The following SMYD3 variants were observed in gnomAD, a reference collection of about 807,000 sequenced individuals.
The protein encoded by SMYD3 is SET and MYND domain containing 3, also known as histone-lysine N-methyltransferase SMYD3.
SMYD3 carries 36 observed loss-of-function variants against 57.7 expected under a neutral mutation model. The observed-to-expected ratio is 0.62, with a 90% CI of 0.48 to 0.82. SMYD3 has a LOEUF of 0.82. SMYD3 is among the 40% of genes least tolerant of loss of function. The pLI is 0.00. For missense variants in SMYD3, 515 were observed against 538.8 expected (o/e 0.96, Z 0.44); for synonymous variants, 211 against 195.0 (o/e 1.08, Z -0.68).
At position 246,240,882 on chromosome 1, in the gene SMYD3, G is replaced by A. The variant is rs189556977; in HGVS notation, c.531+86319C>T. On this transcript the variant is annotated intron_variant, in intron 5 of 11. Transcript: ENST00000490107. ...TGAATGGGAGATCACTCATGATTTG[G>A]CTCTCTGTTTGTCTGTTATTGGAGT... 9.9e-5 allele frequency among the ~76,000 whole-genome samples: 15 copies of A among 151,748 alleles called. No homozygotes were observed. In the East Asian group the frequency reaches 2.9e-3, roughly 30 times the overall value.
chr1:245,924,907 A>AC (rs1481862209), intron 7 of SMYD3, among the ~76,000 whole-genome samples: 1 of 151,172 alleles, frequency 6.6e-6, no homozygotes, highest in Non-Finnish European at 1.5e-5. Context: ...CAAGTGATCC[A>AC]CCTCCCTTAG....
intron 10 of SMYD3, among the ~76,000 whole-genome samples, chr1:245,801,889 A>C (rs2047884636): frequency 6.7e-6 from 1 of 150,094 alleles, no homozygotes; most frequent in Admixed American, 6.6e-5. Flanking sequence ...TAAAACAAGT[A>C]AGTTGTTTAA....
intron 1 of SMYD3, among the ~76,000 whole-genome samples, chr1:246,467,286 T>C (rs2067896418): frequency 6.6e-6 from 1 of 152,194 alleles, no homozygotes; most frequent in African/African-American, 2.4e-5. Flanking sequence ...CAGAATTAGA[T>C]TTCACATACT....
At chr1:246,479,914 C>A (rs1262189821) in intron 1 of SMYD3, among the ~76,000 whole-genome samples, 2 of 152,060 alleles carry the variant, frequency 1.3e-5, no homozygotes, top group Non-Finnish European at 2.9e-5. Flanking sequence ...ATCTTCAGTA[C>A]CAACAACAGT....
chr1:246,079,616 G>A (rs2060605829), intron 5 of SMYD3, among the ~76,000 whole-genome samples: 1 of 152,164 alleles, frequency 6.6e-6, no homozygotes, highest in African/African-American at 2.4e-5. Flanking sequence ...CCGACTGTCT[G>A]TCACTCACAG....
chr1:245,898,056 T>C (rs574847675), intron 8 of SMYD3, among the ~76,000 whole-genome samples: 1 of 152,332 alleles, frequency 6.6e-6, no homozygotes, highest in South Asian at 2.1e-4. Flanking sequence ...TTAGGGCTAC[T>C]GTGAATTTTG....
rs143367002 is a variant in SMYD3, at chr1:246,393,719, G to C, written c.165-38625C>G. On this transcript the variant is annotated intron_variant, in intron 1 of 11. Coordinates refer to ENST00000490107, the MANE Select transcript of SMYD3 (RefSeq NM_001167740.2). ...AAAAAAAATTTAATTAGCCAGGCATGCTGGCAGGCACCTGTTATCCCAGCT... is the reference window on the plus strand; with the variant it reads ...AAAAAAAATTTAATTAGCCAGGCATCCTGGCAGGCACCTGTTATCCCAGCT... Among the ~76,000 whole-genome samples, 209 of 149,784 alleles carry C rather than the reference G, an allele frequency of 1.4e-3. 1 individual carries two copies. Among genetic ancestry groups the C allele is most frequent in the Middle Eastern group, 3.5e-3 (1 of 288 alleles).
chr1:245,965,107 T>C (rs2185076), intron 5 of SMYD3, among the ~76,000 whole-genome samples: 67,811 of 151,948 alleles, frequency 0.45, 15,880 homozygotes, highest in East Asian at 0.72. Context: ...CATACTTCAG[T>C]GGAGGTAAAA....
At chr1:246,182,969 A>G (rs2062577784) in intron 5 of SMYD3, among the ~76,000 whole-genome samples, 1 of 152,214 alleles carries the variant, frequency 6.6e-6, no homozygotes, top group African/African-American at 2.4e-5. Flanking sequence ...TAGAGAAGAC[A>G]CAGTTAGCAC....
At chr1:246,261,278 C>T (rs996466257) in intron 5 of SMYD3, among the ~76,000 whole-genome samples, 4 of 151,348 alleles carry the variant, frequency 2.6e-5, no homozygotes, top group Admixed American at 6.6e-5. Context: ...AGGATGGTCT[C>T]GATCTCCTGA....
intron 5 of SMYD3, among the ~76,000 whole-genome samples, chr1:246,197,409 G>A (rs1233466558): frequency 2.0e-5 from 3 of 151,934 alleles, no homozygotes; most frequent in Non-Finnish European, 2.9e-5. Flanking sequence ...GCATATTCCA[G>A]GTAGGATGTA....
At chr1:246,128,401 G>C (rs1315892094) in intron 5 of SMYD3, among the ~76,000 whole-genome samples, 1 of 152,180 alleles carries the variant, frequency 6.6e-6, no homozygotes, top group African/African-American at 2.4e-5. Context: ...AAAGTGTCTG[G>C]AACAGGGTAA....
intron 1 of SMYD3, among the ~76,000 whole-genome samples, chr1:246,464,539 C>T (rs1422886372): frequency 1.3e-5 from 2 of 152,098 alleles, no homozygotes; most frequent in Non-Finnish European, 2.9e-5. Context: ...ACAAGAAAGA[C>T]AGAAAATATT....
At position 246,462,195 on chromosome 1, in the gene SMYD3, C is replaced by T. The variant is rs188324032; in HGVS notation, c.164+44859G>A. On this transcript the variant is annotated intron_variant, in intron 1 of 11. Coordinates refer to ENST00000490107, the MANE Select transcript of SMYD3 (RefSeq NM_001167740.2). ...AAGAATTCGCCTGCTGGGTACAGTG[C>T]ATCCTCCCGCGGGGCCTGCTGGGTA... Among the ~76,000 whole-genome samples the T allele has an allele frequency of 4.0e-3, 519 of 128,510 alleles. 4 individuals are homozygous for T. The highest frequency in any genetic ancestry group is 0.014 in the African/African-American group (493 of 34,746). The allele number at this position is 128,510 out of a possible 152,430, so 84.3% of individuals were successfully genotyped here. A position where few individuals can be genotyped will look rare whatever the true frequency, so the allele number is the denominator to read the frequency against.
At chr1:245,891,581 C>A (rs773961908) in intron 8 of SMYD3, among the ~76,000 whole-genome samples, 1 of 152,196 alleles carries the variant, frequency 6.6e-6, no homozygotes, top group Non-Finnish European at 1.5e-5. Flanking sequence ...CTATGTACAC[C>A]CCCTCAGTGA....
intron 1 of SMYD3, among the ~76,000 whole-genome samples, chr1:246,488,847 C>T (rs1454133653): frequency 6.6e-6 from 1 of 152,168 alleles, no homozygotes; most frequent in Non-Finnish European, 1.5e-5. Flanking sequence ...GAATGCGTCT[C>T]CATCCTGTAG....
chr1:246,030,006 CTT>C (rs58066934), intron 5 of SMYD3, among the ~76,000 whole-genome samples: 10,902 of 135,028 alleles, frequency 0.081, 1,330 homozygotes, highest in African/African-American at 0.26. Flanking sequence ...TTCTTTCTTT[CTT>C]TTTTTTTTTT....
At chr1:246,415,942 C>T (rs944494047) in intron 1 of SMYD3, among the ~76,000 whole-genome samples, 6 of 152,104 alleles carry the variant, frequency 3.9e-5, no homozygotes, top group African/African-American at 7.2e-5. Flanking sequence ...CATACATGTA[C>T]GTAGAAACTC....
chr1:246,309,145 T>C (rs1365985608), intron 5 of SMYD3, among the ~76,000 whole-genome samples: 7 of 152,084 alleles, frequency 4.6e-5, no homozygotes, highest in African/African-American at 1.7e-4. Flanking sequence ...AGTTTAATAC[T>C]AGCAATACTA....
Sources: allele counts gnomAD v4.1 joint callset (sites outside exome capture counted in the v4.1 genomes callset), GRCh38; gene constraint gnomAD v4.1.1; transcripts MANE v1.5; gene names NCBI Gene and HGNC (gene_info 2026-07-23, HGNC 2026-07-21).